The following RPS29 variants were observed in gnomAD, a reference collection of about 807,000 sequenced individuals.
The protein encoded by RPS29 is small ribosomal subunit protein uS14.
For missense variants in RPS29, 60 were observed against 75.7 expected (o/e 0.79, Z 0.77); for synonymous variants, 37 against 26.9 (o/e 1.37, Z -1.16).
chr14:49,579,496 G>A (rs543585868), downstream of RPS29, among the ~76,000 whole-genome samples: 68 of 152,300 alleles, frequency 4.5e-4, no homozygotes, highest in African/African-American at 1.5e-3. Flanking sequence ...GAGGCCAGGA[G>A]TATAAGACCA....
chr14:49,577,781 C>CT, exon 3 of RPS29: 1 of 1,590,416 alleles, frequency 6.3e-7, no homozygotes. Context: ...CGCGAGCGGT[C>CT]TCAGGATGGC....
downstream of RPS29, among the ~76,000 whole-genome samples, chr14:49,582,011 C>CA (rs1470810597): frequency 3.8e-5 from 2 of 52,164 alleles, no homozygotes; most frequent in African/African-American, 7.8e-5. Flanking sequence ...ACCCTGCCCC[C>CA]CAAAAAAAAA....
upstream of RPS29, among the ~76,000 whole-genome samples, chr14:49,588,246 G>GA (rs1287391580): frequency 2.6e-5 from 4 of 152,138 alleles, no homozygotes; most frequent in East Asian, 1.9e-4. Flanking sequence ...ATTTAGGAGA[G>GA]AAAAAAAGAC....
At chr14:49,596,225 G>C (rs1881820087) in intron 1 of RPS29, among the ~76,000 whole-genome samples, 1 of 152,114 alleles carries the variant, frequency 6.6e-6, no homozygotes, top group African/African-American at 2.4e-5. Flanking sequence ...TAGTTTGTAG[G>C]CCAGGTAGAA....
intron 1 of RPS29, among the ~76,000 whole-genome samples, chr14:49,593,435 G>T (rs1881756848): frequency 6.6e-6 from 1 of 152,110 alleles, no homozygotes; most frequent in Non-Finnish European, 1.5e-5. Flanking sequence ...CGGGCGCAGT[G>T]GCTCATGCCT....
At chr14:49,576,178 G>T (rs975793887) in exon 3 of RPS29, 1 of 151,424 alleles carries the variant, frequency 6.6e-6, no homozygotes. Context: ...GGACCTCTTG[G>T]GCTCAAGTTA....
upstream of RPS29, among the ~76,000 whole-genome samples, chr14:49,590,038 G>C (rs1881678542): frequency 6.6e-6 from 1 of 152,160 alleles, no homozygotes; most frequent in Non-Finnish European, 1.5e-5. Flanking sequence ...CCTACTTGAG[G>C]GTAGAGGGTG....
At chr14:49,577,734 C>G in exon 3 of RPS29, 1 of 1,108,154 alleles carries the variant, frequency 9.0e-7, no homozygotes. Context: ...GACTGGTTCC[C>G]AGTGAACTTG....
At chr14:49,591,871 C>T (rs1221571111) in intron 1 of RPS29, among the ~76,000 whole-genome samples, 2 of 151,992 alleles carry the variant, frequency 1.3e-5, no homozygotes, top group Non-Finnish European at 2.9e-5. Context: ...CCGCCTGCCT[C>T]GGCCTCCCAA....
At chr14:49,572,687 C>T (rs981440041) in exon 3 of RPS29, 6 of 152,120 alleles carry the variant, frequency 3.9e-5, no homozygotes, top group South Asian at 2.1e-4. Context: ...TGCTTTGCTC[C>T]CTTGGCAATA....
At chr14:49,586,631 CTGG>C (rs1021464838), upstream of RPS29, 5 of 456,136 alleles carry the variant, frequency 1.1e-5, no homozygotes, top group Admixed American at 1.3e-4. Context: ...GAGGCTGAGG[CTGG>C]AGGATCGCTT....
intron 2 of RPS29, among the ~76,000 whole-genome samples, chr14:49,578,446 T>C (rs1450617555): frequency 6.6e-6 from 1 of 152,172 alleles, no homozygotes; most frequent in Non-Finnish European, 1.5e-5. Context: ...TTTTTCCCTG[T>C]GTACTTGTTT....
exon 1 of RPS29, chr14:49,598,517 C>G: frequency 1.4e-6 from 1 of 702,432 alleles, no homozygotes; most frequent in Non-Finnish European, 2.6e-6. Flanking sequence ...CACCAGCAGC[C>G]CGTCCGCGCC....
At chr14:49,573,392 G>A (rs1881103273) in exon 3 of RPS29, 1 of 147,448 alleles carries the variant, frequency 6.8e-6, no homozygotes, top group Non-Finnish European at 1.5e-5. Flanking sequence ...AGAATCTCTT[G>A]AACCCAGGAG....
At chr14:49,577,684 G>A in exon 3 of RPS29, 2 of 791,650 alleles carry the variant, frequency 2.5e-6, no homozygotes, top group African/African-American at 1.7e-5. Flanking sequence ...TAATACCTCT[G>A]TGTTTCCACC....
At chr14:49,571,873 T>C (rs1370864267) in exon 3 of RPS29, 1 of 152,232 alleles carries the variant, frequency 6.6e-6, no homozygotes, top group Non-Finnish European at 1.5e-5. Context: ...AGCATCTTCC[T>C]GAGTAATGTG....
chr14:49,586,399 G>A (rs561581311), upstream of RPS29: 382 of 1,510,006 alleles, frequency 2.5e-4, 1 homozygote, highest in South Asian at 4.1e-3. Context: ...CCACGCATGC[G>A]CTCTTCAAAT....
chr14:49,583,579 T>C lies in RPS29; in HGVS notation c.*88A>G, dbSNP rs1881408909. 2 of 1,452,114 alleles carry C rather than the reference T, an allele frequency of 1.4e-6. No individual in the cohort carries two copies. The highest frequency in any genetic ancestry group is 2.5e-5 in the South Asian group (2 of 79,658). 90.0% of individuals were successfully genotyped at this position (1,452,114 alleles called of 1,614,324 possible). A position where few individuals can be genotyped will look rare whatever the true frequency, so the allele number is the denominator to read the frequency against. On this transcript the variant is annotated 3_prime_UTR_variant, in exon 3 of 3. Transcript: ENST00000245458. ...ATTAGAACACTCATAAACTGAAGGG[T>C]TTTTTCAAATGTTTATTTTATATAC...
At chr14:49,578,617 G>C (rs2139504106), downstream of RPS29, among the ~76,000 whole-genome samples, 1 of 140,564 alleles carries the variant, frequency 7.1e-6, no homozygotes, top group East Asian at 2.0e-4. Context: ...CTGGAATGCA[G>C]TGGCATGATC....
Sources: gnomAD v4.1 joint callset for allele counts (sites outside exome capture counted in the v4.1 genomes callset) on GRCh38, gnomAD v4.1.1 for gene constraint, MANE v1.5 for transcripts, NCBI Gene and HGNC (gene_info 2026-07-23, HGNC 2026-07-21) for gene names.